Variants in SLC25A21 observed in about 807,000 individuals in gnomAD.
SLC25A21 encodes mitochondrial 2-oxodicarboxylate carrier.
Under a neutral mutation model 43.8 loss-of-function variants are expected in SLC25A21, and 47 were observed. That is an observed-to-expected ratio of 1.07 (90% CI 0.85 to 1.37). SLC25A21 has a LOEUF of 1.37. Among genes scored for constraint, SLC25A21 ranks in the 40% most tolerant of loss-of-function variants. The probability of loss-of-function intolerance (pLI) is 0.00; values close to 1 mark genes in which losing one functional copy is unlikely to be tolerated. For synonymous variants in SLC25A21, 131 were observed against 121.3 expected (o/e 1.08, Z -0.52); for missense variants, 352 against 350.2 (o/e 1.00, Z -0.04).
At chr14:36,731,134 G>A (rs1378731656) in intron 4 of SLC25A21, among the ~76,000 whole-genome samples, 4 of 151,972 alleles carry the variant, frequency 2.6e-5, no homozygotes, top group Non-Finnish European at 4.4e-5. Flanking sequence ...TACCACGCCC[G>A]GCTAATTTTT....
intron 3 of SLC25A21, among the ~76,000 whole-genome samples, chr14:36,745,606 A>AT (rs1170019071): frequency 1.3e-5 from 2 of 152,090 alleles, no homozygotes; most frequent in African/African-American, 4.8e-5. Context: ...GATGATGAGC[A>AT]TTTTTTCATA....
chr14:36,841,694 T>C (rs1889388905), intron 2 of SLC25A21, among the ~76,000 whole-genome samples: 1 of 152,190 alleles, frequency 6.6e-6, no homozygotes. Context: ...ATGCATACCT[T>C]GCCCAAGAAC....
intron 1 of SLC25A21, among the ~76,000 whole-genome samples, chr14:36,966,640 C>G (rs1026113115): frequency 6.6e-6 from 1 of 152,172 alleles, no homozygotes; most frequent in African/African-American, 2.4e-5. Context: ...TGCTCCTCTG[C>G]GACATTCCCA....
chr14:37,102,677 G>A (rs905487197), intron 1 of SLC25A21, among the ~76,000 whole-genome samples: 4 of 152,104 alleles, frequency 2.6e-5, no homozygotes, highest in Non-Finnish European at 5.9e-5. Flanking sequence ...AAACCAGTGT[G>A]CTCTCAGAAA....
intron 1 of SLC25A21, among the ~76,000 whole-genome samples, chr14:37,114,169 G>A (rs138591759): frequency 1.4e-3 from 207 of 152,198 alleles, no homozygotes; most frequent in African/African-American, 4.8e-3. Flanking sequence ...ATGACAAATG[G>A]TCTCCGGGTT....
At chr14:36,989,083 G>A (rs1336498212) in intron 1 of SLC25A21, among the ~76,000 whole-genome samples, 1 of 152,200 alleles carries the variant, frequency 6.6e-6, no homozygotes, top group East Asian at 1.9e-4. Context: ...CATGTTGTAT[G>A]TATATGCAGG....
At chr14:36,898,065 AGACAGG>A (rs1215829757) in intron 1 of SLC25A21, among the ~76,000 whole-genome samples, 1 of 152,212 alleles carries the variant, frequency 6.6e-6, no homozygotes, top group Non-Finnish European at 1.5e-5. Flanking sequence ...CAAAGCTGTC[AGACAGG>A]GACATTTAAG....
At chr14:36,949,094 G>A (rs1341772872) in intron 1 of SLC25A21, among the ~76,000 whole-genome samples, 1 of 152,206 alleles carries the variant, frequency 6.6e-6, no homozygotes, top group African/African-American at 2.4e-5. Context: ...GCCAGAATTA[G>A]AATTGGATTC....
intron 1 of SLC25A21, among the ~76,000 whole-genome samples, chr14:36,875,612 G>C (rs918264226): frequency 6.6e-6 from 1 of 152,156 alleles, no homozygotes; most frequent in African/African-American, 2.4e-5. Context: ...ATCGTCACAA[G>C]AACTTTATGT....
chr14:36,680,238 T>C lies in SLC25A21; in HGVS notation c.*420A>G, dbSNP rs890606730. 1 of 935,346 alleles carries C rather than the reference T, an allele frequency of 1.1e-6. No homozygotes were observed. Among genetic ancestry groups the C allele is most frequent in the African/African-American group, 1.8e-5 (1 of 56,094 alleles). The allele number at this position is 935,346 out of a possible 1,614,324, so 57.9% of individuals were successfully genotyped here. A position where few individuals can be genotyped will look rare whatever the true frequency, so the allele number is the denominator to read the frequency against. ...GCTTAAATTTTGGCTTAACTTTTTT[T>C]TAATCCAGTCTTTGAATAATTTGAT... On this transcript the variant is annotated 3_prime_UTR_variant, in exon 10 of 10. Transcript: ENST00000331299.
chr14:36,925,356 A>G (rs1477523280), intron 1 of SLC25A21, among the ~76,000 whole-genome samples: 8 of 152,224 alleles, frequency 5.3e-5, no homozygotes, highest in Admixed American at 5.2e-4. Flanking sequence ...CTTTCAGTAT[A>G]AAAACGCAGA....
At chr14:37,035,033 G>A (rs778268211) in intron 1 of SLC25A21, among the ~76,000 whole-genome samples, 6 of 152,194 alleles carry the variant, frequency 3.9e-5, no homozygotes, top group Non-Finnish European at 8.8e-5. Flanking sequence ...ATAAACTGAT[G>A]CTCTGAATCT....
chr14:37,120,821 T>C (rs1257372047), intron 1 of SLC25A21, among the ~76,000 whole-genome samples: 2 of 152,158 alleles, frequency 1.3e-5, no homozygotes, highest in South Asian at 4.1e-4. Context: ...TTTCTCCATA[T>C]ATAAATCAGT....
chr14:36,793,854 T>C (rs1887577886), intron 3 of SLC25A21, among the ~76,000 whole-genome samples: 1 of 148,016 alleles, frequency 6.8e-6, no homozygotes, highest in Admixed American at 6.9e-5. Flanking sequence ...TTTTATACAA[T>C]GAAACTTCGT....
chr14:36,707,296 T>C (rs923535499), intron 7 of SLC25A21, among the ~76,000 whole-genome samples: 1 of 152,202 alleles, frequency 6.6e-6, no homozygotes, highest in African/African-American at 2.4e-5. Context: ...TTTGTTTGTT[T>C]ACTTGTTTTT....
intron 2 of SLC25A21, among the ~76,000 whole-genome samples, chr14:36,844,586 T>C (rs1281523204): frequency 6.6e-6 from 1 of 152,186 alleles, no homozygotes; most frequent in Non-Finnish European, 1.5e-5. Flanking sequence ...AATGTTGACC[T>C]GATCAGACTC....
At chr14:36,783,207 G>C (rs1485970451) in intron 3 of SLC25A21, among the ~76,000 whole-genome samples, 2 of 150,722 alleles carry the variant, frequency 1.3e-5, no homozygotes, top group Non-Finnish European at 3.0e-5. Context: ...ATCTTGGGGT[G>C]GGGGTGGTGG....
intron 1 of SLC25A21, among the ~76,000 whole-genome samples, chr14:36,963,617 G>A (rs147622436): frequency 1.1e-3 from 167 of 152,252 alleles, no homozygotes; most frequent in African/African-American, 3.7e-3. Context: ...AGTGGAACAC[G>A]GGGCCGCTAC....
intron 7 of SLC25A21, among the ~76,000 whole-genome samples, chr14:36,703,145 A>G (rs536503487): frequency 2.6e-5 from 4 of 152,326 alleles, no homozygotes; most frequent in South Asian, 4.1e-4. Context: ...GGAGTAAGAG[A>G]GAATCAGAAA....
Sources: allele counts gnomAD v4.1 joint callset (sites outside exome capture counted in the v4.1 genomes callset), GRCh38; gene constraint gnomAD v4.1.1; transcripts MANE v1.5; gene names NCBI Gene and HGNC (gene_info 2026-07-23, HGNC 2026-07-21).